Variants in KCTD8 observed in about 807,000 individuals in gnomAD.
KCTD8 encodes potassium channel tetramerization domain containing 8, also known as BTB/POZ domain-containing protein KCTD8.
A neutral mutation model predicts 31.5 loss-of-function variants in KCTD8; 27 were observed. That is an observed-to-expected ratio of 0.86 (90% CI 0.63 to 1.18). The LOEUF is 1.18. KCTD8 is among the 50% of genes most tolerant of loss of function. KCTD8 has a pLI of 0.00. For missense variants in KCTD8, 658 were observed against 647.7 expected (o/e 1.02, Z -0.17); for synonymous variants, 290 against 280.0 (o/e 1.04, Z -0.36).
At chr4:44,391,134 G>GT (rs1307065055) in intron 1 of KCTD8, among the ~76,000 whole-genome samples, 2 of 151,916 alleles carry the variant, frequency 1.3e-5, no homozygotes, top group Non-Finnish European at 2.9e-5. Context: ...CTATGAAGAT[G>GT]TAAGGCATAA....
intron 1 of KCTD8, among the ~76,000 whole-genome samples, chr4:44,247,567 CTTTA>C (rs1035949541): frequency 1.3e-5 from 2 of 151,844 alleles, no homozygotes; most frequent in African/African-American, 4.8e-5. Flanking sequence ...TATCTCTAGA[CTTTA>C]TTTATTTTGT....
chr4:44,444,355 T>C (rs1294487577), intron 1 of KCTD8, among the ~76,000 whole-genome samples: 1 of 152,192 alleles, frequency 6.6e-6, no homozygotes, highest in African/African-American at 2.4e-5. Context: ...AAAATTCAAA[T>C]TCAAATTCAA....
chr4:44,387,206 G>A (rs903841206), intron 1 of KCTD8, among the ~76,000 whole-genome samples: 15 of 151,714 alleles, frequency 9.9e-5, no homozygotes, highest in Non-Finnish European at 4.4e-5. Flanking sequence ...ACAAACCATC[G>A]CTCAAAGAAA....
intron 1 of KCTD8, among the ~76,000 whole-genome samples, chr4:44,320,122 A>G (rs1056058333): frequency 5.7e-5 from 8 of 139,256 alleles, no homozygotes; most frequent in African/African-American, 2.1e-4. Context: ...CAGTGAGCCA[A>G]GATGGCTCTA....
At chr4:44,335,281 C>T (rs1302207479) in intron 1 of KCTD8, among the ~76,000 whole-genome samples, 1 of 151,714 alleles carries the variant, frequency 6.6e-6, no homozygotes, top group African/African-American at 2.4e-5. Flanking sequence ...CTATTAGCCA[C>T]GGGAGATATT....
chr4:44,284,162 A>G (rs986949375), intron 1 of KCTD8, among the ~76,000 whole-genome samples: 7 of 152,170 alleles, frequency 4.6e-5, no homozygotes, highest in African/African-American at 1.7e-4. Flanking sequence ...AAAAGAGCCC[A>G]CATAGCCAAG....
At chr4:44,241,272 A>C (rs116355054) in intron 1 of KCTD8, among the ~76,000 whole-genome samples, 2 of 152,374 alleles carry the variant, frequency 1.3e-5, no homozygotes, top group Non-Finnish European at 2.9e-5. Context: ...TATCTTGTGA[A>C]TATTACAATT....
intron 1 of KCTD8, among the ~76,000 whole-genome samples, chr4:44,255,803 A>T (rs1323521070): frequency 6.6e-6 from 1 of 151,980 alleles, no homozygotes; most frequent in African/African-American, 2.4e-5. Flanking sequence ...TAAAAACATA[A>T]GATAACATCT....
At chr4:44,389,565 G>T (rs1720315304) in intron 1 of KCTD8, among the ~76,000 whole-genome samples, 1 of 151,724 alleles carries the variant, frequency 6.6e-6, no homozygotes, top group Non-Finnish European at 1.5e-5. Context: ...TAAGCAAAAT[G>T]GTGGTTGCCA....
At chr4:44,268,061 G>C (rs571221926) in intron 1 of KCTD8, among the ~76,000 whole-genome samples, 1 of 152,170 alleles carries the variant, frequency 6.6e-6, no homozygotes, top group Non-Finnish European at 1.5e-5. Context: ...GCATCATCCT[G>C]ATTCCAAAGC....
At chr4:44,375,491 C>T (rs373787712) in intron 1 of KCTD8, among the ~76,000 whole-genome samples, 19 of 152,190 alleles carry the variant, frequency 1.2e-4, no homozygotes, top group African/African-American at 4.3e-4. Flanking sequence ...TGTGAGATGT[C>T]TCTGTTCCTG....
intron 1 of KCTD8, among the ~76,000 whole-genome samples, chr4:44,425,468 T>G (rs182063577): frequency 2.6e-5 from 4 of 152,066 alleles, no homozygotes; most frequent in Non-Finnish European, 5.9e-5. Context: ...TCATTTTGGC[T>G]TGGAAACAAA....
intron 1 of KCTD8, among the ~76,000 whole-genome samples, chr4:44,371,072 T>C (rs139529048): frequency 3.5e-4 from 53 of 152,016 alleles, no homozygotes; most frequent in South Asian, 1.0e-3. Flanking sequence ...ATGGTGTAAA[T>C]CCAGGTCAAG....
chr4:44,415,921 A>T (rs895628090), intron 1 of KCTD8, among the ~76,000 whole-genome samples: 1 of 152,180 alleles, frequency 6.6e-6, no homozygotes, highest in Admixed American at 6.5e-5. Context: ...GAGCTGTGAG[A>T]AGGGGGCTGC....
chr4:44,341,188 C>T (rs1375098145), intron 1 of KCTD8, among the ~76,000 whole-genome samples: 3 of 151,972 alleles, frequency 2.0e-5, no homozygotes, highest in African/African-American at 7.3e-5. Context: ...ATATACATAC[C>T]TTAATTAAAA....
At chr4:44,350,708 TA>T (rs1719173306) in intron 1 of KCTD8, among the ~76,000 whole-genome samples, 1 of 152,190 alleles carries the variant, frequency 6.6e-6, no homozygotes, top group Non-Finnish European at 1.5e-5. Flanking sequence ...GAACATTTGA[TA>T]ACCACTAATT....
chr4:44,242,098 T>G (rs1360451401), intron 1 of KCTD8, among the ~76,000 whole-genome samples: 1 of 152,124 alleles, frequency 6.6e-6, no homozygotes, highest in Admixed American at 6.5e-5. Context: ...ATCTGGAAAG[T>G]GAAAGGCTCA....
At chr4:44,296,458 G>T (rs943933704) in intron 1 of KCTD8, among the ~76,000 whole-genome samples, 6 of 151,894 alleles carry the variant, frequency 4.0e-5, no homozygotes, top group African/African-American at 1.5e-4. Flanking sequence ...AGCAGAATTG[G>T]GGATCCAACA....
chr4:44,232,294 T>C (rs1265410595), intron 1 of KCTD8, among the ~76,000 whole-genome samples: 1 of 152,134 alleles, frequency 6.6e-6, no homozygotes, highest in Admixed American at 6.6e-5. Flanking sequence ...ATCCTGTGTT[T>C]ATTCTTCCCA....
Sources: allele counts gnomAD v4.1 joint callset (sites outside exome capture counted in the v4.1 genomes callset), GRCh38; gene constraint gnomAD v4.1.1; transcripts MANE v1.5; gene names NCBI Gene and HGNC (gene_info 2026-07-23, HGNC 2026-07-21).